Variants in TENM1 observed in about 807,000 individuals in gnomAD.
TENM1 encodes teneurin-1.
In TENM1, 35 loss-of-function variants were observed where a neutral mutation model predicts 174.8. The ratio of observed to expected loss-of-function variants is 0.20; its 90% CI spans 0.15 to 0.27. The LOEUF is 0.27. TENM1 is among the 10% of genes least tolerant of loss of function. The pLI, the probability that TENM1 is intolerant of heterozygous loss-of-function variation, is 1.00. For synonymous variants in TENM1, 781 were observed against 798.7 expected (o/e 0.98, Z 0.37); for missense variants, 1,633 against 2,130.1 (o/e 0.77, Z 4.59).
chrX:125,115,087 T>C, the TENM1 span, among the ~76,000 whole-genome samples: 2 of 111,688 alleles, frequency 1.8e-5, no homozygotes, highest in East Asian at 2.8e-4. Flanking sequence ...TGGTTCAACA[T>C]ATGCAAATCA....
chrX:124,501,001 T>A (rs891345894), intron 19 of TENM1, among the ~76,000 whole-genome samples: 1 of 111,368 alleles, frequency 9.0e-6, no homozygotes, highest in African/African-American at 3.3e-5. Flanking sequence ...TTTTGGAGGA[T>A]AAGTTAAAAG....
intron 6 of TENM1, among the ~76,000 whole-genome samples, chrX:124,664,426 A>G (rs1170094207): frequency 1.8e-5 from 2 of 108,986 alleles, no homozygotes; most frequent in Non-Finnish European, 3.8e-5. Context: ...TGTGAAATAA[A>G]TATCTGCCAA....
chrX:124,851,813 G>C (rs1272773154), intron 3 of TENM1, among the ~76,000 whole-genome samples: 3 of 111,236 alleles, frequency 2.7e-5, no homozygotes, highest in Non-Finnish European at 5.7e-5. Flanking sequence ...TCCTTAGCTA[G>C]ACTATCTTAA....
chrX:124,844,695 T>C (rs1217346305), intron 3 of TENM1, among the ~76,000 whole-genome samples: 1 of 111,992 alleles, frequency 8.9e-6, no homozygotes, highest in Admixed American at 9.5e-5. Flanking sequence ...CAAACATGAA[T>C]AAAAGTTGCA....
At chrX:124,874,252 C>A (rs1256283650) in intron 3 of TENM1, among the ~76,000 whole-genome samples, 1 of 111,262 alleles carries the variant, frequency 9.0e-6, no homozygotes, top group Non-Finnish European at 1.9e-5. Context: ...ATTTCATACA[C>A]ATTTTCCAAA....
At chrX:125,075,281 T>C in the TENM1 span, among the ~76,000 whole-genome samples, 1 of 112,041 alleles carries the variant, frequency 8.9e-6, no homozygotes, top group Non-Finnish European at 1.9e-5. Flanking sequence ...TAGCATAATG[T>C]TTTTGAGATT....
chrX:124,655,337 G>A (rs1334704486), intron 6 of TENM1, among the ~76,000 whole-genome samples: 1 of 112,072 alleles, frequency 8.9e-6, no homozygotes, highest in Non-Finnish European at 1.9e-5. Context: ...AGTTTAATAT[G>A]TGTTTTCATG....
the TENM1 span, among the ~76,000 whole-genome samples, chrX:125,201,775 T>C: frequency 1.8e-5 from 2 of 111,979 alleles, no homozygotes; most frequent in African/African-American, 6.5e-5. Context: ...TATTTTGTCA[T>C]ACCTGAAAGC....
At chrX:125,005,508 C>G in the TENM1 span, among the ~76,000 whole-genome samples, 2 of 107,545 alleles carry the variant, frequency 1.9e-5, no homozygotes, top group Non-Finnish European at 3.8e-5. Flanking sequence ...CTAGTAGAGT[C>G]TAGGGTTTGT....
At chrX:124,730,499 A>T (rs1395448440) in intron 4 of TENM1, among the ~76,000 whole-genome samples, 1 of 111,206 alleles carries the variant, frequency 9.0e-6, no homozygotes. Flanking sequence ...TAATGTGCCC[A>T]ATGTCACATG....
At chrX:124,511,150 A>G (rs2047574516) in intron 18 of TENM1, among the ~76,000 whole-genome samples, 1 of 112,504 alleles carries the variant, frequency 8.9e-6, no homozygotes, top group African/African-American at 3.2e-5. Context: ...GTTGTAGTTC[A>G]CAAGCTGACA....
chrX:124,699,835 G>GT (rs1247667608), intron 5 of TENM1, among the ~76,000 whole-genome samples: 1 of 111,492 alleles, frequency 9.0e-6, no homozygotes, highest in East Asian at 2.8e-4. Flanking sequence ...TAGCAGATTT[G>GT]TAATTAGACT....
intron 4 of TENM1, among the ~76,000 whole-genome samples, chrX:124,728,513 C>T (rs751970310): frequency 2.7e-5 from 3 of 111,330 alleles, no homozygotes; most frequent in Admixed American, 1.9e-4. Context: ...CTCCATTTTT[C>T]ACTTAGTATC....
intron 11 of TENM1, among the ~76,000 whole-genome samples, chrX:124,605,370 T>C (rs2050129179): frequency 9.2e-6 from 1 of 108,423 alleles, no homozygotes; most frequent in Admixed American, 1.0e-4. Flanking sequence ...TTTTCTTCTT[T>C]GGTCTATTCC....
At chrX:124,586,092 G>A (rs1051407486) in intron 11 of TENM1, among the ~76,000 whole-genome samples, 4 of 109,296 alleles carry the variant, frequency 3.7e-5, no homozygotes, top group Non-Finnish European at 5.7e-5. Context: ...ATTCACAGCC[G>A]AATTCTACCA....
intron 3 of TENM1, among the ~76,000 whole-genome samples, chrX:124,789,246 G>A (rs192038446): frequency 2.4e-3 from 262 of 110,370 alleles, no homozygotes; most frequent in Admixed American, 5.3e-3. Flanking sequence ...GGGGGGTCCT[G>A]GACCTGGCCC....
At chrX:124,667,223 T>C (rs1300239654) in intron 6 of TENM1, among the ~76,000 whole-genome samples, 1 of 111,662 alleles carries the variant, frequency 9.0e-6, no homozygotes, top group African/African-American at 3.3e-5. Context: ...ATAACTCAGG[T>C]CTAGGAATAA....
At chrX:125,056,352 T>A in the TENM1 span, among the ~76,000 whole-genome samples, 45 of 112,033 alleles carry the variant, frequency 4.0e-4, no homozygotes, top group South Asian at 0.016. Flanking sequence ...TTTCTTAAGA[T>A]GTATAGCTTT....
intron 3 of TENM1, among the ~76,000 whole-genome samples, chrX:124,755,679 GC>G (rs1266685998): frequency 1.8e-5 from 2 of 110,523 alleles, no homozygotes; most frequent in East Asian, 5.7e-4. Context: ...TTTAGGGCAG[GC>G]CTGGTGGTGA....
Sources: allele counts gnomAD v4.1 joint callset (sites outside exome capture counted in the v4.1 genomes callset), GRCh38; gene constraint gnomAD v4.1.1; transcripts MANE v1.5; gene names NCBI Gene and HGNC (gene_info 2026-07-23, HGNC 2026-07-21).